LIMS1: variants seen among roughly 807,000 people sequenced by gnomAD.
The protein encoded by LIMS1 is LIM and senescent cell antigen-like-containing domain protein 1.
A neutral mutation model predicts 44.1 loss-of-function variants in LIMS1; 18 were observed. That is an observed-to-expected ratio of 0.41 (90% CI 0.28 to 0.61). The LOEUF is 0.61. Among genes scored for constraint, LIMS1 ranks in the 20% least tolerant of loss-of-function variants. The pLI, the probability that LIMS1 is intolerant of heterozygous loss-of-function variation, is 0.32. For missense variants in LIMS1, 201 were observed against 422.0 expected (o/e 0.48, Z 4.59); for synonymous variants, 93 against 149.1 (o/e 0.62, Z 2.74).
At chr2:108,649,197 A>G (rs913637202) in intron 1 of LIMS1, among the ~76,000 whole-genome samples, 3 of 152,272 alleles carry the variant, frequency 2.0e-5, no homozygotes, top group Non-Finnish European at 4.4e-5. Flanking sequence ...AAAAGAAGAT[A>G]TTTATGCAGC....
At chr2:108,597,933 C>A (rs1360764556) in intron 1 of LIMS1, among the ~76,000 whole-genome samples, 1 of 152,020 alleles carries the variant, frequency 6.6e-6, no homozygotes, top group Non-Finnish European at 1.5e-5. Context: ...ACCTGGTGAT[C>A]CGCCCGCCTC....
intron 1 of LIMS1, among the ~76,000 whole-genome samples, chr2:108,624,260 A>G (rs549368001): frequency 6.6e-6 from 1 of 152,314 alleles, no homozygotes; most frequent in Admixed American, 6.5e-5. Context: ...TCCTTTAGCT[A>G]TTCTATCTTT....
intron 1 of LIMS1, among the ~76,000 whole-genome samples, chr2:108,594,884 T>G (rs1457677709): frequency 6.6e-6 from 1 of 151,430 alleles, no homozygotes; most frequent in East Asian, 1.9e-4. Flanking sequence ...GTAGACAGCA[T>G]AGCTCTAAAA....
At chr2:108,649,186 C>T (rs976175445) in intron 1 of LIMS1, among the ~76,000 whole-genome samples, 2 of 152,150 alleles carry the variant, frequency 1.3e-5, no homozygotes, top group Non-Finnish European at 2.9e-5. Flanking sequence ...AGACACTTCT[C>T]AAAAGAAGAT....
intron 1 of LIMS1, among the ~76,000 whole-genome samples, chr2:108,623,648 A>G (rs1466020853): frequency 6.6e-6 from 1 of 152,212 alleles, no homozygotes; most frequent in Admixed American, 6.5e-5. Context: ...CATATTTAAT[A>G]TGACCACAGA....
In LIMS1 at chr2:108,549,243, G is replaced by C. The variant is rs1304913861; in HGVS notation, c.32+14649G>C. ...GTTGACTTGACATTAAATTAGACAT[G>C]GATTATTTCAATAATAATGTACAAG... On this transcript the variant is annotated intron_variant, in intron 1 of 9. Coordinates refer to ENST00000544547, the Ensembl canonical transcript of LIMS1. 5.0e-5 allele frequency among the ~76,000 whole-genome samples: 7 copies of C among 139,606 alleles called. No homozygotes were observed. In the Admixed American group the frequency reaches 5.1e-4, roughly 10 times the overall value. 91.6% of individuals were successfully genotyped at this position (139,606 alleles called of 152,430 possible).
intron 1 of LIMS1, among the ~76,000 whole-genome samples, chr2:108,595,277 T>A (rs1007017825): frequency 3.3e-5 from 5 of 152,146 alleles, no homozygotes; most frequent in Non-Finnish European, 1.5e-5. Flanking sequence ...TTAATGTATG[T>A]GTGGATGTCA....
intron 1 of LIMS1, among the ~76,000 whole-genome samples, chr2:108,587,636 CAGG>C (rs1362879677): frequency 6.6e-5 from 10 of 152,172 alleles, no homozygotes; most frequent in African/African-American, 2.2e-4. Context: ...TCAGTGAATT[CAGG>C]CAAGGACACC....
chr2:108,538,939 T>C lies in LIMS1; in HGVS notation c.32+4345T>C, dbSNP rs189450711. Among the ~76,000 whole-genome samples, 523 of 152,344 alleles carry C rather than the reference T, an allele frequency of 3.4e-3. 5 individuals carry two copies. Among genetic ancestry groups the C allele is most frequent in the African/African-American group, 0.01 (423 of 41,584 alleles). ...GCGGTGTATCTGGGTTTACCTTATG[T>C]TTTTTAACCTTAGTTTTAATGGCTG... On this transcript the variant is annotated intron_variant, in intron 1 of 9. Coordinates refer to ENST00000544547, the Ensembl canonical transcript of LIMS1.
chr2:108,676,775 CT>C, intron 7 of LIMS1, 77 bp downstream of exon 7: 1 of 892,760 alleles, frequency 1.1e-6, no homozygotes, highest in Middle Eastern at 3.4e-4. Context: ...ACAAGGAAAT[CT>C]CTTGGAAGAT....
chr2:108,633,909 A>C (rs1411440479), intron 1 of LIMS1, among the ~76,000 whole-genome samples: 1 of 152,220 alleles, frequency 6.6e-6, no homozygotes, highest in East Asian at 1.9e-4. Context: ...ATTTCCTGAA[A>C]TAATCTCCCT....
intron 1 of LIMS1, among the ~76,000 whole-genome samples, chr2:108,635,734 C>T (rs115534075): frequency 0.02 from 2,969 of 152,182 alleles, 42 homozygotes; most frequent in Non-Finnish European, 0.025. Flanking sequence ...CTTGGACTCC[C>T]GTTTAACTGA....
chr2:108,629,651 C>G (rs934901508), intron 1 of LIMS1, among the ~76,000 whole-genome samples: 1 of 152,200 alleles, frequency 6.6e-6, no homozygotes, highest in Non-Finnish European at 1.5e-5. Context: ...TTGGGCCTCT[C>G]TGAAGCCCAG....
chr2:108,591,788 A>T (rs561777043), intron 1 of LIMS1, among the ~76,000 whole-genome samples: 69 of 128,054 alleles, frequency 5.4e-4, no homozygotes, highest in African/African-American at 1.8e-3. Context: ...AAATGTTTTT[A>T]GTTTTTTTTT....
chr2:108,548,587 A>G (rs17036477), intron 1 of LIMS1, among the ~76,000 whole-genome samples: 1,831 of 152,344 alleles, frequency 0.012, 44 homozygotes, highest in African/African-American at 0.043. Flanking sequence ...ATTTTAATAC[A>G]GAACTGTCTA....
intron 1 of LIMS1, among the ~76,000 whole-genome samples, chr2:108,630,192 CAAAAAAAAAAAAA>C (rs59941456): frequency 1.9e-5 from 2 of 103,954 alleles, no homozygotes; most frequent in Admixed American, 1.0e-4. Context: ...GACCCTGTCT[CAAAAAAAAAAAAA>C]AAAAAAAAAA....
chr2:108,586,340 G>T (rs556400814), intron 1 of LIMS1, among the ~76,000 whole-genome samples: 1 of 152,212 alleles, frequency 6.6e-6, no homozygotes, highest in Non-Finnish European at 1.5e-5. Context: ...TCGGGGGAAA[G>T]AGCCCAAAAA....
At chr2:108,536,205 T>A (rs982120615) in intron 1 of LIMS1, among the ~76,000 whole-genome samples, 53 of 152,248 alleles carry the variant, frequency 3.5e-4, no homozygotes, top group South Asian at 1.9e-3. Context: ...AATTTACTTT[T>A]TGGAGGGAGA....
At chr2:108,563,231 C>T (rs1000093427) in intron 1 of LIMS1, among the ~76,000 whole-genome samples, 1 of 152,210 alleles carries the variant, frequency 6.6e-6, no homozygotes, top group Non-Finnish European at 1.5e-5. Flanking sequence ...ATCCATTCTG[C>T]AGCGCAGGGA....
Sources: gnomAD v4.1 joint callset for allele counts (sites outside exome capture counted in the v4.1 genomes callset) on GRCh38, gnomAD v4.1.1 for gene constraint, MANE v1.5 for transcripts, NCBI Gene and HGNC (gene_info 2026-07-23, HGNC 2026-07-21) for gene names.